Variants in GZF1 observed in about 807,000 individuals in gnomAD.
The protein encoded by GZF1 is GDNF inducible zinc finger protein 1, also known as GDNF-inducible zinc finger protein 1.
In GZF1, 28 loss-of-function variants were observed where a neutral mutation model predicts 49.4. The observed-to-expected ratio is 0.57, with a 90% CI of 0.42 to 0.78. The LOEUF (loss-of-function observed/expected upper bound fraction) is 0.78. Among genes scored for constraint, GZF1 ranks in the 30% least tolerant of loss-of-function variants. GZF1 has a pLI of 0.00. For synonymous variants in GZF1, 364 were observed against 356.0 expected (o/e 1.02, Z -0.25); for missense variants, 798 against 916.2 (o/e 0.87, Z 1.67).
intron 3 of GZF1, 151 bp downstream of exon 3, chr20:23,367,248 A>G (rs752701868): frequency 2.5e-4 from 158 of 622,736 alleles, no homozygotes; most frequent in Middle Eastern, 2.2e-3. Context: ...ATGAATAAAC[A>G]TACACCCATT....
At chr20:23,366,821 T>C (rs1981452714) in intron 2 of GZF1, among the ~76,000 whole-genome samples, 182 bp from the exon 3 acceptor site, 2 of 152,178 alleles carry the variant, frequency 1.3e-5, no homozygotes, top group East Asian at 1.9e-4. Flanking sequence ...TGTGGATCCA[T>C]TGACCTTGTG....
At position 23,370,386 on chromosome 20, in the gene GZF1, C is replaced by T. The variant is rs780721876; in HGVS notation, c.2081C>T (p.Thr694Ile). 1.2e-6 allele frequency: 2 copies of T among 1,613,762 alleles called. No individual in the cohort carries two copies. Among genetic ancestry groups the T allele is most frequent in the African/African-American group, 2.7e-5 (2 of 74,912 alleles). The change falls in exon 6 of 6, where the codon ACC (threonine) becomes ATC (isoleucine). Residue 694 changes from threonine (T) to isoleucine (I), a missense_variant. Thr to Ile is a moderately conservative substitution (Grantham distance 89). Coordinates refer to ENST00000338121, the MANE Select transcript of GZF1 (RefSeq NM_022482.5). ...ATTISELSEL[T>I]PQTDSMPTQL... ...ACCATCAGTGAGCTTAGCGAGCTGA[C>T]CCCACAGACAGACTCGATGCCCACA...
Position 23,364,876 on chromosome 20 carries a change from G to A in GZF1, c.493G>A (p.Ala165Thr). ...SQVSAAPAPR[A>T]SVATDGPHPS... ...AGTTAGTGCTGCTCCTGCCCCCAGG[G>A]CAAGTGTGGCCACCGATGGCCCTCA... Residue 165 changes from alanine to threonine, a missense_variant, in exon 2 of 6, where the codon GCA becomes ACA. This residue lies in a region of GZF1 where 247 missense variants were observed against 228.5 expected (regional missense o/e 1.08). Coordinates refer to ENST00000338121, the MANE Select transcript of GZF1 (RefSeq NM_022482.5). 6 of 1,614,220 alleles carry A rather than the reference G, an allele frequency of 3.7e-6. No individual in the cohort carries two copies. The highest frequency in any genetic ancestry group is 5.1e-6 in the Non-Finnish European group (6 of 1,180,040).
In GZF1 at chr20:23,372,286, A is replaced by G. The variant is rs1021266055; in HGVS notation, c.*1845A>G. The G allele has an allele frequency of 1.4e-4, 21 of 152,542 alleles. No homozygotes were observed. The highest frequency in any genetic ancestry group is 4.8e-4 in the African/African-American group (20 of 41,456). The allele number at this position is 152,542 out of a possible 1,614,324, so 9.4% of individuals were successfully genotyped here. The stretch of plus-strand genomic sequence containing the variant: ...AATTTTTTAAAGATCTATTTCTGTT[A>G]TAATTTAGGTTCTGCAGAAATATGA... On this transcript the variant is annotated 3_prime_UTR_variant, in exon 6 of 6. Transcript: ENST00000338121.
Position 23,365,030 on chromosome 20 carries a change from A to G in GZF1, c.647A>G (p.Tyr216Cys). The G allele has an allele frequency of 6.2e-7, 1 of 1,614,170 alleles. No individual in the cohort carries two copies. Among genetic ancestry groups the G allele is most frequent in the South Asian group, 1.1e-5 (1 of 91,084 alleles). ...DKKKEVVKPP[Y>C]PKIRRASGRL... ...AAGAAAGAGGTAGTTAAACCTCCCTACCCTAAAATCAGGAGAGCTAGTGGA... is the reference window on the plus strand; with the variant it reads ...AAGAAAGAGGTAGTTAAACCTCCCTGCCCTAAAATCAGGAGAGCTAGTGGA... Residue 216 changes from tyrosine to cysteine, a missense_variant, in exon 2 of 6, where the codon TAC (tyrosine) becomes TGC (cysteine). This residue lies in a region of GZF1 where 247 missense variants were observed against 228.5 expected (regional missense o/e 1.08). Coordinates refer to ENST00000338121, the MANE Select transcript of GZF1 (RefSeq NM_022482.5).
At position 23,365,302 on chromosome 20, in the gene GZF1, G is replaced by A; in HGVS notation, c.919G>A (p.Asp307Asn). 2 of 1,607,060 alleles carry A rather than the reference G, an allele frequency of 1.2e-6. No homozygotes were observed. Among genetic ancestry groups the A allele is most frequent in the East Asian group, 2.2e-5 (1 of 44,764 alleles). Reference sequence around the variant, plus strand: ...GGAGGAAGAGGAGGAGGAGGAGGAGGACGAAGAAGGGGAGAAGAAGAAGAG... The same window carrying A: ...GGAGGAAGAGGAGGAGGAGGAGGAGAACGAAGAAGGGGAGAAGAAGAAGAG... The part of the protein sequence containing the change: ...PEEEEEEEEE[D>N]EEGEKKKSNF... Residue 307 changes from aspartate to asparagine, a missense_variant, in exon 2 of 6, where the codon GAC becomes AAC. By Grantham distance (23) the Asp-to-Asn change is conservative. Transcript: ENST00000338121.
intron 3 of GZF1, among the ~76,000 whole-genome samples, 168 bp from the exon 4 acceptor site, chr20:23,368,590 TAGCA>T (rs1194153046): frequency 6.6e-6 from 1 of 152,232 alleles, no homozygotes; most frequent in Non-Finnish European, 1.5e-5. Context: ...TTTCAGTAAG[TAGCA>T]AGCATCTTAC....
chr20:23,368,678 G>C (rs534945117), intron 3 of GZF1, 84 bp from the exon 4 acceptor site: 1 of 967,682 alleles, frequency 1.0e-6, no homozygotes, highest in African/African-American at 1.7e-5. Flanking sequence ...TTGAGTTCAC[G>C]TGGGTTTTAA....
At chr20:23,362,154 T>G (rs1383064799), upstream of GZF1, 1 of 151,872 alleles carries the variant, frequency 6.6e-6, no homozygotes, top group Non-Finnish European at 1.5e-5. Context: ...CCGCGCAGGG[T>G]GCTACGCCAC....
In GZF1 at chr20:23,369,711, CG is replaced by C; in HGVS notation, c.1756del (p.Asp586ThrfsTer25). The C allele has an allele frequency of 6.2e-7, 1 of 1,613,298 alleles. No individual in the cohort carries two copies. Among genetic ancestry groups the C allele is most frequent in the Non-Finnish European group, 8.5e-7 (1 of 1,179,624 alleles). Reference sequence around the variant, plus strand: ...GCAATGCGTGCGGACGGACATTCACCGACAAGTCCACTCTTCGGCGGCACAC... The same window carrying C: ...GCAATGCGTGCGGACGGACATTCACCACAAGTCCACTCTTCGGCGGCACAC... Reference protein sequence around the residue: ...MCNACGRTFTDKSTLRRHTSI... With the variant: ...MCNACGRTFTXKSTLRRHTSI... On this transcript the variant is annotated frameshift_variant, in exon 5 of 6. Transcript: ENST00000338121. LOFTEE classifies it high-confidence loss of function.
At chr20:23,367,656 T>TA (rs1981556813) in intron 3 of GZF1, among the ~76,000 whole-genome samples, 1 of 152,208 alleles carries the variant, frequency 6.6e-6, no homozygotes, top group South Asian at 2.1e-4. Context: ...AACCTGCACA[T>TA]AAAAGACCAG....
At chr20:23,366,884 ACAGT>A in intron 2 of GZF1, 115 bp from the exon 3 acceptor site, 1 of 717,362 alleles carries the variant, frequency 1.4e-6, no homozygotes, top group African/African-American at 1.8e-5. Flanking sequence ...ACCTGTCACT[ACAGT>A]CATTCTCATT....
rs1348871012 is a variant in GZF1, at chr20:23,370,215, A to C, written c.1910A>C (p.Lys637Thr). ...EEYVSSKLSDKLLSFAENGHF... is the reference protein window; with the variant it reads ...EEYVSSKLSDTLLSFAENGHF... ...TATGTGTCATCCAAGCTTTCGGATA[A>C]ATTGCTGTCTTTTGCAGAAAATGGC... Residue 637 changes from lysine (K) to threonine (T), a missense_variant, in exon 6 of 6, where the codon AAA (lysine) becomes ACA (threonine). Lys to Thr is a moderately conservative substitution (Grantham distance 78, BLOSUM62 -1). Transcript: ENST00000338121. The C allele has an allele frequency of 1.9e-6, 3 of 1,614,086 alleles. No homozygotes were observed. In the South Asian group the frequency reaches 3.3e-5, roughly 18 times the overall value.
upstream of GZF1, among the ~76,000 whole-genome samples, chr20:23,361,376 T>G (rs1422710142): frequency 6.6e-6 from 1 of 152,234 alleles, no homozygotes; most frequent in Non-Finnish European, 1.5e-5. Flanking sequence ...CAGCAAGATT[T>G]CGAGGAGTCA....
intron 3 of GZF1, among the ~76,000 whole-genome samples, chr20:23,367,369 AT>A (rs111411584): frequency 1.7e-4 from 26 of 152,150 alleles, no homozygotes; most frequent in East Asian, 1.5e-3. Flanking sequence ...TGTAACCGAA[AT>A]TTTTTTTTCT....
In GZF1 at chr20:23,368,780, G is replaced by A. The variant is rs774392394; in HGVS notation, c.1478G>A (p.Cys493Tyr). ...RCHTGERPFM[C>Y]ETCGKSFASK... is the part of the protein sequence containing the mutation. ...CATGTAGGTGAAAGACCTTTTATGT[G>A]TGAAACATGTGGCAAGAGTTTTGCT... Residue 493 changes from cysteine (C) to tyrosine (Y), a missense_variant, in exon 4 of 6, where the codon TGT (cysteine) becomes TAT (tyrosine). Coordinates refer to ENST00000338121, the MANE Select transcript of GZF1 (RefSeq NM_022482.5). The A allele has an allele frequency of 6.2e-7, 1 of 1,609,610 alleles. No homozygotes were observed. Among genetic ancestry groups the A allele is most frequent in the Non-Finnish European group, 8.5e-7 (1 of 1,178,216 alleles).
Position 23,364,484 on chromosome 20 carries a change from C to T in GZF1, c.101C>T (p.Thr34Ile). 6.2e-7 allele frequency: 1 copy of T among 1,614,230 alleles called. No homozygotes were observed. Among genetic ancestry groups the T allele is most frequent in the Non-Finnish European group, 8.5e-7 (1 of 1,180,034 alleles). ...CTCCTGGGTCACCTGTGTGACGTGACAGTCAGCGTGGAGTATCAGGGTGTC... is the reference window on the plus strand; with the variant it reads ...CTCCTGGGTCACCTGTGTGACGTGATAGTCAGCGTGGAGTATCAGGGTGTC... Reference protein sequence around the residue: ...LRLLGHLCDVTVSVEYQGVRK... With the variant: ...LRLLGHLCDVIVSVEYQGVRK... Residue 34 changes from threonine (T) to isoleucine (I), a missense_variant, in exon 2 of 6, where the codon ACA (threonine) becomes ATA (isoleucine). Around this residue, in one of 3 missense-constraint regions of GZF1, gnomAD observed 105 missense variants for 147.5 expected, o/e 0.71. Coordinates refer to ENST00000338121, the MANE Select transcript of GZF1 (RefSeq NM_022482.5).
At chr20:23,367,249 T>A in intron 3 of GZF1, 152 bp downstream of exon 3, 1 of 622,024 alleles carries the variant, frequency 1.6e-6, no homozygotes, top group East Asian at 2.8e-5. Flanking sequence ...TGAATAAACA[T>A]ACACCCATTG....
rs1034027810 is a variant in GZF1 at position 23,365,850 on chromosome 20, C to T, written c.1364+103C>T. The T allele has an allele frequency of 9.2e-6, 13 of 1,414,648 alleles. No individual in the cohort carries two copies. The African/African-American group carries it at 1.5e-4, about 16-fold the overall frequency. 87.6% of individuals were successfully genotyped at this position (1,414,648 alleles called of 1,614,324 possible). ...TGTCTCACTGCTTAATTTCTCCGCT[C>T]CAAACCTGGGGGCTTATTTCGAGAC... On this transcript the variant is annotated intron_variant, in intron 2 of 5. Coordinates refer to ENST00000338121, the MANE Select transcript of GZF1 (RefSeq NM_022482.5).
Sources: allele counts gnomAD v4.1 joint callset (sites outside exome capture counted in the v4.1 genomes callset), GRCh38; gene constraint gnomAD v4.1.1; regional missense constraint gnomAD v4.1.1; transcripts MANE v1.5; gene names NCBI Gene and HGNC (gene_info 2026-07-23, HGNC 2026-07-21).